The following NCKAP5 variants were observed in gnomAD, a reference collection of about 807,000 sequenced individuals.
NCKAP5 encodes the protein nck-associated protein 5.
A neutral mutation model predicts 167.0 loss-of-function variants in NCKAP5; 92 were observed. The ratio of observed to expected loss-of-function variants is 0.55; its 90% CI spans 0.47 to 0.66. The LOEUF (loss-of-function observed/expected upper bound fraction) is 0.66, where lower values mean the gene tolerates loss of function less well. NCKAP5 is among the 30% of genes least tolerant of loss of function. NCKAP5 has a pLI of 0.00. For missense variants in NCKAP5, 2,378 were observed against 2,315.0 expected (o/e 1.03, Z -0.56); for synonymous variants, 891 against 877.4 (o/e 1.02, Z -0.27).
intron 5 of NCKAP5, among the ~76,000 whole-genome samples, chr2:133,140,372 A>G (rs1476116058): frequency 6.6e-6 from 1 of 152,056 alleles, no homozygotes; most frequent in African/African-American, 2.4e-5. Flanking sequence ...TTTTACCCCC[A>G]ACTCTGTTCC....
At chr2:133,635,262 G>A in the NCKAP5 span, among the ~76,000 whole-genome samples, 3 of 152,180 alleles carry the variant, frequency 2.0e-5, no homozygotes, top group Non-Finnish European at 4.4e-5. Context: ...GAAAGCTGAT[G>A]TAATCATGCA....
intron 6 of NCKAP5, among the ~76,000 whole-genome samples, chr2:133,023,076 C>T (rs568344851): frequency 1.3e-5 from 2 of 152,326 alleles, no homozygotes; most frequent in Admixed American, 1.3e-4. Flanking sequence ...ACACCTTCAG[C>T]TAAGCCTCTG....
chr2:132,724,934 T>G (rs1429910646), intron 19 of NCKAP5, among the ~76,000 whole-genome samples: 1 of 152,172 alleles, frequency 6.6e-6, no homozygotes, highest in Non-Finnish European at 1.5e-5. Flanking sequence ...TTACATAGTT[T>G]ATAAATTAGT....
At chr2:133,292,271 G>C (rs1679652603) in intron 4 of NCKAP5, among the ~76,000 whole-genome samples, 1 of 151,188 alleles carries the variant, frequency 6.6e-6, no homozygotes, top group South Asian at 2.1e-4. Flanking sequence ...AGAAAGCCAT[G>C]GTAAATTACC....
chr2:132,997,111 T>G (rs988492655), intron 6 of NCKAP5, among the ~76,000 whole-genome samples: 1 of 152,210 alleles, frequency 6.6e-6, no homozygotes, highest in African/African-American at 2.4e-5. Flanking sequence ...TCCGCTGATG[T>G]AGGAAGCCCA....
rs562575934 is a variant in NCKAP5, at chr2:132,708,282, G to T, written c.5713+17345C>A. 4.6e-5 allele frequency among the ~76,000 whole-genome samples: 7 copies of T among 152,204 alleles called. No homozygotes were observed. The East Asian group carries it at 1.4e-3, about 29-fold the overall frequency. On this transcript the variant is annotated intron_variant, in intron 19 of 19. Transcript: ENST00000409261. ...TAGGGTCATTGATTCCAGGCCTTGG[G>T]TCTAAAATGCCATTTCTGGACCTGC...
intron 19 of NCKAP5, among the ~76,000 whole-genome samples, chr2:132,693,923 C>A (rs1214276862): frequency 6.6e-6 from 1 of 151,934 alleles, no homozygotes; most frequent in Non-Finnish European, 1.5e-5. Flanking sequence ...CGCGCCCAGC[C>A]CCTTTCTCTT....
intron 4 of NCKAP5, among the ~76,000 whole-genome samples, chr2:133,234,847 AT>A (rs1442644252): frequency 6.6e-6 from 1 of 151,548 alleles, no homozygotes. Flanking sequence ...GAAAAAATAC[AT>A]TTAGACACAG....
chr2:133,108,533 C>T (rs1553538711), intron 6 of NCKAP5, among the ~76,000 whole-genome samples: 1 of 152,192 alleles, frequency 6.6e-6, no homozygotes, highest in Non-Finnish European at 1.5e-5. Flanking sequence ...ACCCTGTTAG[C>T]CTTTCCTTAC....
At chr2:132,845,001 T>C (rs1688559539) in intron 11 of NCKAP5, among the ~76,000 whole-genome samples, 1 of 152,180 alleles carries the variant, frequency 6.6e-6, no homozygotes, top group African/African-American at 2.4e-5. Flanking sequence ...CTTTTATTTA[T>C]GCCAGTCTAT....
the NCKAP5 span, among the ~76,000 whole-genome samples, chr2:133,589,217 G>A: frequency 6.6e-6 from 1 of 152,324 alleles, no homozygotes; most frequent in Non-Finnish European, 1.5e-5. Flanking sequence ...CATACAAGTA[G>A]CAGTGGAGGT....
intron 2 of NCKAP5, among the ~76,000 whole-genome samples, chr2:133,543,233 G>T (rs1448284326): frequency 6.6e-6 from 1 of 151,966 alleles, no homozygotes; most frequent in East Asian, 1.9e-4. Flanking sequence ...TCACTCTCTC[G>T]CCATGTGATA....
chr2:132,935,378 C>T (rs564273996), intron 8 of NCKAP5, among the ~76,000 whole-genome samples: 1 of 152,188 alleles, frequency 6.6e-6, no homozygotes, highest in East Asian at 1.9e-4. Flanking sequence ...CAGCTTGAGC[C>T]GAGTTTTTGT....
intron 3 of NCKAP5, among the ~76,000 whole-genome samples, chr2:133,413,178 C>G (rs1220861999): frequency 3.9e-5 from 6 of 152,192 alleles, no homozygotes; most frequent in Non-Finnish European, 7.3e-5. Flanking sequence ...GCCAGGCACA[C>G]AGCTATAGGC....
chr2:132,760,253 A>T (rs1043457772), intron 16 of NCKAP5, among the ~76,000 whole-genome samples: 4 of 151,962 alleles, frequency 2.6e-5, no homozygotes, highest in Non-Finnish European at 5.9e-5. Context: ...TCTGATGTAA[A>T]CTCTCTAGAA....
chr2:133,462,417 T>C (rs1410454424), intron 3 of NCKAP5, among the ~76,000 whole-genome samples: 1 of 152,228 alleles, frequency 6.6e-6, no homozygotes, highest in Non-Finnish European at 1.5e-5. Flanking sequence ...GCAAGGCATT[T>C]GAAATTATGG....
chr2:133,254,549 G>C (rs1214132893), intron 4 of NCKAP5, among the ~76,000 whole-genome samples: 1 of 152,158 alleles, frequency 6.6e-6, no homozygotes, highest in East Asian at 1.9e-4. Flanking sequence ...CCTAAGTCTG[G>C]AGATTGTTAT....
chr2:133,062,302 A>G (rs13013770), intron 6 of NCKAP5, among the ~76,000 whole-genome samples: 8,762 of 152,294 alleles, frequency 0.058, 547 homozygotes, highest in East Asian at 0.32. Context: ...ACGTATCACT[A>G]TATGAGGCTT....
chr2:132,815,731 A>T (rs1686217465), intron 11 of NCKAP5, among the ~76,000 whole-genome samples: 1 of 152,176 alleles, frequency 6.6e-6, no homozygotes, highest in African/African-American at 2.4e-5. Context: ...CACCAAGCCC[A>T]GTGCATCATC....
Sources: gnomAD v4.1 joint callset for allele counts (sites outside exome capture counted in the v4.1 genomes callset) on GRCh38, gnomAD v4.1.1 for gene constraint, MANE v1.5 for transcripts, NCBI Gene and HGNC (gene_info 2026-07-23, HGNC 2026-07-21) for gene names.